EBF1: variants seen among roughly 807,000 people sequenced by gnomAD.
EBF1 encodes the protein EBF transcription factor 1.
Under a neutral mutation model 68.4 loss-of-function variants are expected in EBF1, and 10 were observed. That is an observed-to-expected ratio of 0.15 (90% CI 0.09 to 0.25). The LOEUF is 0.25. EBF1 is among the 10% of genes least tolerant of loss of function. The pLI is 1.00. For synonymous variants in EBF1, 298 were observed against 299.8 expected, an observed-to-expected ratio of 0.99 and a Z score of 0.06; for missense variants, 509 against 794.4, an observed-to-expected ratio of 0.64 and a Z score of 4.32.
At chr5:158,916,439 G>A (rs1429528347) in intron 6 of EBF1, among the ~76,000 whole-genome samples, 1 of 152,176 alleles carries the variant, frequency 6.6e-6, no homozygotes, top group Non-Finnish European at 1.5e-5. Context: ...AAATCATCAT[G>A]TAAAAATAGC....
At chr5:159,053,945 A>C (rs1057159830) in intron 6 of EBF1, among the ~76,000 whole-genome samples, 2 of 152,208 alleles carry the variant, frequency 1.3e-5, no homozygotes, top group Admixed American at 1.3e-4. Flanking sequence ...CTTCCTTGGG[A>C]TAAATGGCCA....
intron 6 of EBF1, among the ~76,000 whole-genome samples, chr5:158,998,143 C>T (rs376543039): frequency 4.6e-5 from 7 of 152,238 alleles, no homozygotes; most frequent in African/African-American, 1.7e-4. Context: ...TTTCACTATA[C>T]TCTATCTTAT....
chr5:158,789,765 G>A (rs373382298), intron 9 of EBF1, among the ~76,000 whole-genome samples: 8 of 152,124 alleles, frequency 5.3e-5, no homozygotes, highest in Non-Finnish European at 2.9e-5. Context: ...AGTCAAGGCC[G>A]GGCAAAAAGG....
At chr5:158,815,598 C>T (rs1384679830) in intron 8 of EBF1, among the ~76,000 whole-genome samples, 1 of 151,980 alleles carries the variant, frequency 6.6e-6, no homozygotes, top group African/African-American at 2.4e-5. Context: ...TCAAGTATGG[C>T]AAAAAAGTCT....
chr5:158,819,822 T>C (rs1197065441), intron 8 of EBF1, among the ~76,000 whole-genome samples: 10 of 151,952 alleles, frequency 6.6e-5, no homozygotes, highest in Non-Finnish European at 1.5e-4. Flanking sequence ...CCAAAGAAAA[T>C]CTTGGTATTT....
At chr5:158,726,109 A>C (rs1762931628) in intron 11 of EBF1, among the ~76,000 whole-genome samples, 1 of 152,254 alleles carries the variant, frequency 6.6e-6, no homozygotes, top group Middle Eastern at 3.2e-3. Flanking sequence ...ATAATGCTCG[A>C]ATGTATAAAA....
intron 6 of EBF1, among the ~76,000 whole-genome samples, chr5:159,053,775 A>G (rs1774258640): frequency 6.6e-6 from 1 of 152,206 alleles, no homozygotes; most frequent in African/African-American, 2.4e-5. Context: ...TATTTTGACA[A>G]CTCTTTTCAA....
chr5:158,949,167 T>C (rs992644219), intron 6 of EBF1, among the ~76,000 whole-genome samples: 1 of 152,256 alleles, frequency 6.6e-6, no homozygotes, highest in Admixed American at 6.5e-5. Context: ...CAATTCTATA[T>C]AATTCCCCAA....
intron 11 of EBF1, among the ~76,000 whole-genome samples, chr5:158,723,350 A>G (rs1215564804): frequency 6.6e-6 from 1 of 152,148 alleles, no homozygotes; most frequent in Non-Finnish European, 1.5e-5. Context: ...TCTGGAGTCC[A>G]ATAGACTTGG....
At chr5:158,789,243 T>C (rs1291881141) in intron 9 of EBF1, among the ~76,000 whole-genome samples, 1 of 152,182 alleles carries the variant, frequency 6.6e-6, no homozygotes, top group Non-Finnish European at 1.5e-5. Flanking sequence ...TTATTTTAAA[T>C]CCACACATTT....
chr5:158,941,116 A>T, intron 6 of EBF1: 1 of 448,000 alleles, frequency 2.2e-6, no homozygotes, highest in Middle Eastern at 3.3e-4. Flanking sequence ...ATTGGGGTGG[A>T]CAGAAAAAAG....
chr5:158,750,893 C>T (rs951776254), intron 10 of EBF1, among the ~76,000 whole-genome samples: 9 of 151,766 alleles, frequency 5.9e-5, no homozygotes, highest in East Asian at 1.9e-4. Context: ...TATCATTATA[C>T]GAGTATAAAT....
At chr5:158,943,522 C>A (rs1192330542) in intron 6 of EBF1, among the ~76,000 whole-genome samples, 2 of 152,176 alleles carry the variant, frequency 1.3e-5, no homozygotes, top group Non-Finnish European at 2.9e-5. Context: ...ATAACTGGAT[C>A]CAAATCTCCC....
At chr5:158,995,875 C>T (rs1278200641) in intron 6 of EBF1, among the ~76,000 whole-genome samples, 2 of 152,178 alleles carry the variant, frequency 1.3e-5, no homozygotes, top group Non-Finnish European at 2.9e-5. Context: ...GTCACAGACT[C>T]GCAATGCAAT....
intron 6 of EBF1, among the ~76,000 whole-genome samples, chr5:158,866,833 GTATATATATATATATATATA>G (rs70987938): frequency 0.011 from 986 of 92,604 alleles, 3 homozygotes; most frequent in East Asian, 0.038. Flanking sequence ...ATATGTATAT[GTATATATATATATATATATA>G]TATATATATA....
intron 11 of EBF1, among the ~76,000 whole-genome samples, chr5:158,722,436 C>A (rs1211250701): frequency 6.6e-6 from 1 of 152,176 alleles, no homozygotes; most frequent in African/African-American, 2.4e-5. Flanking sequence ...AGAGGGACTG[C>A]TCAGTAAACA....
chr5:159,096,479 C>A, intron 2 of EBF1, 73 bp from the exon 3 acceptor site: 1 of 1,545,778 alleles, frequency 6.5e-7, no homozygotes, highest in South Asian at 1.2e-5. Flanking sequence ...GACCAACTTT[C>A]GAGGCAACTT....
chr5:158,946,266 C>T (rs1388503260), intron 6 of EBF1, among the ~76,000 whole-genome samples: 1 of 152,094 alleles, frequency 6.6e-6, no homozygotes, highest in Non-Finnish European at 1.5e-5. Flanking sequence ...AAGAGGCATC[C>T]CGGTTTTTGG....
At chr5:158,895,222 A>C (rs948524261) in intron 6 of EBF1, among the ~76,000 whole-genome samples, 6 of 152,182 alleles carry the variant, frequency 3.9e-5, no homozygotes, top group Admixed American at 2.0e-4. Flanking sequence ...TTCATTATGC[A>C]CAGAGTACTC....
Sources: gnomAD v4.1 joint callset for allele counts (sites outside exome capture counted in the v4.1 genomes callset) on GRCh38, gnomAD v4.1.1 for gene constraint, MANE v1.5 for transcripts, NCBI Gene and HGNC (gene_info 2026-07-23, HGNC 2026-07-21) for gene names.